The following DHX9 variants were observed in gnomAD, a reference collection of about 807,000 sequenced individuals.
DHX9 encodes the protein ATP-dependent RNA helicase A.
In DHX9, 27 loss-of-function variants were observed where a neutral mutation model predicts 148.7. The observed-to-expected ratio is 0.18, with a 90% confidence interval of 0.13 to 0.25. The LOEUF is 0.25. Ranked by LOEUF, DHX9 falls within the 10% of genes least tolerant of loss-of-function variation. The pLI is 1.00. For synonymous variants in DHX9, 529 were observed against 516.6 expected (o/e 1.02, Z -0.33); for missense variants, 796 against 1,559.6 (o/e 0.51, Z 8.25).
chr1:182,872,499 A>G lies in DHX9; in HGVS notation c.1714+6A>G. 2.5e-6 allele frequency: 4 copies of G among 1,612,202 alleles called. No homozygotes were observed. The highest frequency in any genetic ancestry group is 3.4e-6 in the Non-Finnish European group (4 of 1,179,192). ...GAGGACTTACCCAGTTCAAGGTAAT[A>G]TTGTGGGGGTGGTATAGGAACATCT... On this transcript the variant is annotated splice_donor_region_variant and intron_variant, in intron 15 of 27. Coordinates refer to ENST00000367549, the MANE Select transcript of DHX9 (RefSeq NM_001357.5).
At chr1:182,860,347 TC>T (rs1668338145) in intron 12 of DHX9, 163 bp downstream of exon 12, 6 of 567,792 alleles carry the variant, frequency 1.1e-5, no homozygotes. Context: ...TTTTCTAATC[TC>T]TAGTATGCTA....
At chr1:182,868,520 C>CCTTTTTTTTTTTTTTTTTTTTTTTT (rs374839924) in intron 14 of DHX9, among the ~76,000 whole-genome samples, 1 of 127,522 alleles carries the variant, frequency 7.8e-6, no homozygotes, top group African/African-American at 3.6e-5. Flanking sequence ...ATTTTAATTC[C>CCTTTTTTTTTTTTTTTTTTTTTTTT]TTTTTTTTTT....
At chr1:182,859,503 AAGT>A (rs1281814171) in intron 11 of DHX9, among the ~76,000 whole-genome samples, 1 of 152,232 alleles carries the variant, frequency 6.6e-6, no homozygotes, top group Admixed American at 6.5e-5. Context: ...TAGTGAAAAG[AAGT>A]AGTTCTATTA....
intron 27 of DHX9, among the ~76,000 whole-genome samples, chr1:182,885,121 C>T (rs1200435494): frequency 6.6e-6 from 1 of 152,096 alleles, no homozygotes; most frequent in Non-Finnish European, 1.5e-5. Context: ...GCCCAGATAG[C>T]CCTTTTTCCA....
intron 14 of DHX9, among the ~76,000 whole-genome samples, chr1:182,867,851 A>G (rs1343641848): frequency 6.6e-6 from 1 of 152,240 alleles, no homozygotes; most frequent in East Asian, 1.9e-4. Context: ...ACTGTGTAAA[A>G]TCAACTTGCT....
In DHX9 at chr1:182,875,032, A is replaced by G. The variant is rs1040791682; in HGVS notation, c.1815+78A>G. ...AAAAAAATGAGTTAATGTAACATGC[A>G]ATGTATTAGCATTACAGCAAACTTT... is the stretch of plus-strand genomic sequence containing the variant. On this transcript the variant is annotated intron_variant, in intron 16 of 27. Transcript: ENST00000367549. The G allele has an allele frequency of 4.5e-6, 5 of 1,117,082 alleles. No individual in the cohort carries two copies. The African/African-American group carries it at 4.6e-5, about 10-fold the overall frequency. The allele number at this position is 1,117,082 out of a possible 1,614,324, so 69.2% of individuals were successfully genotyped here.
chr1:182,880,727 G>A, intron 22 of DHX9, 119 bp downstream of exon 22: 5 of 650,010 alleles, frequency 7.7e-6, no homozygotes, highest in Non-Finnish European at 1.3e-5. Context: ...TGTTCTTCAG[G>A]GAAGTAACAT....
chr1:182,856,662 G>T (rs1464934244), intron 7 of DHX9, 84 bp downstream of exon 7: 7 of 1,184,722 alleles, frequency 5.9e-6, no homozygotes, highest in Non-Finnish European at 7.5e-6. Flanking sequence ...CACGTATACA[G>T]AAGCTGTATT....
At chr1:182,866,399 C>G in intron 12 of DHX9, 45 bp from the exon 13 acceptor site, 1 of 1,600,518 alleles carries the variant, frequency 6.2e-7, no homozygotes, top group Non-Finnish European at 8.5e-7. Context: ...ACAAGTATAT[C>G]TAACTTTGTA....
At chr1:182,857,193 G>T (rs991862007) in intron 7 of DHX9, among the ~76,000 whole-genome samples, 6 of 152,100 alleles carry the variant, frequency 3.9e-5, no homozygotes, top group Admixed American at 6.5e-5. Context: ...ATTTTGAGTG[G>T]ATGGATAATA....
chr1:182,842,737 A>G, intron 2 of DHX9, 60 bp downstream of exon 2: 1 of 1,385,722 alleles, frequency 7.2e-7, no homozygotes, highest in Non-Finnish European at 1.0e-6. Flanking sequence ...GGGTTAAAAG[A>G]AAAATGTTTT....
At chr1:182,846,727 T>C (rs1668036902) in intron 3 of DHX9, among the ~76,000 whole-genome samples, 1 of 152,250 alleles carries the variant, frequency 6.6e-6, no homozygotes, top group Admixed American at 6.5e-5. Flanking sequence ...GTGTGTGTTC[T>C]AACTTGTTCA....
chr1:182,858,250 T>C lies in DHX9; in HGVS notation c.810+10T>C, dbSNP rs777789212. The C allele has an allele frequency of 3.7e-6, 6 of 1,610,836 alleles. No individual in the cohort carries two copies. The South Asian group carries it at 6.7e-5, about 18-fold the overall frequency. On this transcript the variant is annotated intron_variant, in intron 8 of 27. Transcript: ENST00000367549. ...GAAGGAAGGAGAGACAGTGAGTCTT[T>C]AGATTTAATAGACTTGTGAGATAGT...
rs375468792 is a variant in DHX9, at chr1:182,876,439, T to A, written c.2030-8T>A. ...TTTAGTCCCTGATTGTTCTTTATTG[T>A]TATATAGGAAGCCATCGGTATCAGA... On this transcript the variant is annotated splice_polypyrimidine_tract_variant and splice_region_variant and intron_variant, in intron 17 of 27. Coordinates refer to ENST00000367549, the MANE Select transcript of DHX9 (RefSeq NM_001357.5). 1 of 1,611,782 alleles carries A rather than the reference T, an allele frequency of 6.2e-7. No individual in the cohort carries two copies. Among genetic ancestry groups the A allele is most frequent in the Non-Finnish European group, 8.5e-7 (1 of 1,178,146 alleles).
At chr1:182,852,739 C>T (rs185240139) in intron 4 of DHX9, among the ~76,000 whole-genome samples, 2 of 152,266 alleles carry the variant, frequency 1.3e-5, no homozygotes, top group Admixed American at 1.3e-4. Context: ...AACTTTGTTT[C>T]CTTCAATGTT....
chr1:182,869,271 C>T (rs1381333292), intron 14 of DHX9, among the ~76,000 whole-genome samples: 1 of 152,162 alleles, frequency 6.6e-6, no homozygotes, highest in African/African-American at 2.4e-5. Context: ...CTTCTCCAGT[C>T]CTGACCGGTC....
At chr1:182,850,851 C>T (rs759250962) in intron 3 of DHX9, among the ~76,000 whole-genome samples, 4 of 152,206 alleles carry the variant, frequency 2.6e-5, no homozygotes, top group Non-Finnish European at 4.4e-5. Context: ...TCTTATACCT[C>T]ACCTATTTTA....
intron 19 of DHX9, 177 bp downstream of exon 19, chr1:182,877,080 T>A (rs1648837257): frequency 4.0e-6 from 2 of 502,152 alleles, no homozygotes; most frequent in Non-Finnish European, 7.1e-6. Context: ...TATTGTTGAT[T>A]ACTGCAAATC....
intron 3 of DHX9, among the ~76,000 whole-genome samples, chr1:182,850,488 G>A (rs796211734): frequency 7.2e-5 from 11 of 151,802 alleles, no homozygotes; most frequent in South Asian, 2.1e-4. Context: ...CCATCTACTC[G>A]AGAGGCTGAA....
Sources: gnomAD v4.1 joint callset for allele counts (sites outside exome capture counted in the v4.1 genomes callset) on GRCh38, gnomAD v4.1.1 for gene constraint, MANE v1.5 for transcripts, NCBI Gene and HGNC (gene_info 2026-07-23, HGNC 2026-07-21) for gene names.